VWA8: variants seen among roughly 807,000 people sequenced by gnomAD.
The protein encoded by VWA8 is von Willebrand factor A domain-containing protein 8.
VWA8 carries 221 observed loss-of-function variants against 241.5 expected under a neutral mutation model. The observed-to-expected ratio is 0.91, with a 90% CI of 0.82 to 1.02. The LOEUF (loss-of-function observed/expected upper bound fraction) is 1.02. Among genes scored for constraint, VWA8 ranks in the 50% least tolerant of loss-of-function variants. The probability of loss-of-function intolerance (pLI) is 0.00; values close to 1 mark genes in which losing one functional copy is unlikely to be tolerated. For missense variants in VWA8, 2,322 were observed against 2,328.7 expected, an observed-to-expected ratio of 1.00 and a Z score of 0.06; for synonymous variants, 852 against 827.1, an observed-to-expected ratio of 1.03 and a Z score of -0.52.
intron 21 of VWA8, 51 bp from the exon 22 acceptor site, chr13:41,732,206 T>C (rs761166844): frequency 5.2e-6 from 8 of 1,539,792 alleles, no homozygotes; most frequent in East Asian, 2.3e-5. Context: ...AAGCTGATGA[T>C]TGATCATGAT....
At position 41,888,459 on chromosome 13, in the gene VWA8, C is replaced by T. The variant is rs558195327; in HGVS notation, c.652-1098G>A. On this transcript the variant is annotated intron_variant, in intron 5 of 44. Coordinates refer to ENST00000379310, the MANE Select transcript of VWA8 (RefSeq NM_015058.2). ...GTCCCCTTGACCCTCCTTCCGTGAC[C>T]CTGTGCTCCAATCCATCTCCCAACT... 5.2e-4 allele frequency among the ~76,000 whole-genome samples: 79 copies of T among 152,268 alleles called. 1 individual carries two copies. The highest frequency in any genetic ancestry group is 1.7e-3 in the African/African-American group (69 of 41,546).
intron 26 of VWA8, among the ~76,000 whole-genome samples, chr13:41,710,408 T>C (rs1441242784): frequency 6.6e-6 from 1 of 152,186 alleles, no homozygotes; most frequent in Admixed American, 6.5e-5. Flanking sequence ...AATTTCTATG[T>C]AGATTCGTTT....
At chr13:41,784,023 G>A (rs1226017121) in intron 18 of VWA8, 122 bp from the exon 19 acceptor site, 4 of 681,698 alleles carry the variant, frequency 5.9e-6, no homozygotes, top group Non-Finnish European at 1.0e-5. Flanking sequence ...AACATCTAAA[G>A]AAATAAGCTG....
At chr13:41,590,292 G>GT (rs2044445555) in intron 41 of VWA8, among the ~76,000 whole-genome samples, 1 of 152,124 alleles carries the variant, frequency 6.6e-6, no homozygotes, top group Admixed American at 6.5e-5. Flanking sequence ...AGGCCTCAGA[G>GT]TGAGTTAGAT....
intron 22 of VWA8, among the ~76,000 whole-genome samples, chr13:41,731,044 AAAAAT>A (rs1396576582): frequency 1.3e-5 from 2 of 150,922 alleles, no homozygotes; most frequent in African/African-American, 2.4e-5. Flanking sequence ...TAAAAAATAA[AAAAAT>A]AAAATAAAAT....
In VWA8 at chr13:41,761,113, G is replaced by T. The variant is rs887633792; in HGVS notation, c.2426+15C>A. On this transcript the variant is annotated intron_variant, in intron 21 of 44. Coordinates refer to ENST00000379310, the MANE Select transcript of VWA8 (RefSeq NM_015058.2). ...AAATGAGATTTTTAAGAGGTTGTGG[G>T]TCTAATAGTCTTACCTGTGTAGCTG... 2.5e-6 allele frequency: 4 copies of T among 1,607,808 alleles called. No homozygotes were observed. Among genetic ancestry groups the T allele is most frequent in the East Asian group, 2.2e-5 (1 of 44,704 alleles).
At position 41,568,081 on chromosome 13, in the gene VWA8, G is replaced by A. The variant is rs1414165218; in HGVS notation, c.*116C>T. On this transcript the variant is annotated 3_prime_UTR_variant, in exon 45 of 45. Transcript: ENST00000379310. ...AAGTGTAGGAAGACCCAGGAATGCCGGAATCATCCAGTCACTGCATGGGTT... is the reference window on the plus strand; with the variant it reads ...AAGTGTAGGAAGACCCAGGAATGCCAGAATCATCCAGTCACTGCATGGGTT... 7 of 838,880 alleles carry A rather than the reference G, an allele frequency of 8.3e-6. No individual in the cohort carries two copies. Among genetic ancestry groups the A allele is most frequent in the Middle Eastern group, 2.9e-4 (1 of 3,414 alleles). The allele number at this position is 838,880 out of a possible 1,614,324, so 52.0% of individuals were successfully genotyped here. A position where few individuals can be genotyped will look rare whatever the true frequency, so the allele number is the denominator to read the frequency against.
intron 4 of VWA8, among the ~76,000 whole-genome samples, chr13:41,898,567 CGCCATGCG>C (rs1875255495): frequency 6.6e-6 from 1 of 152,250 alleles, no homozygotes; most frequent in South Asian, 2.1e-4. Flanking sequence ...GCCAGTCCTG[CGCCATGCG>C]CTGGCACTCC....
intron 12 of VWA8, among the ~76,000 whole-genome samples, chr13:41,838,944 C>G (rs1421051775): frequency 1.3e-5 from 2 of 152,158 alleles, no homozygotes; most frequent in African/African-American, 4.8e-5. Flanking sequence ...GTGAATAGTG[C>G]TGCAATAAAT....
At chr13:41,703,713 T>C (rs1302644060) in intron 26 of VWA8, among the ~76,000 whole-genome samples, 1 of 152,144 alleles carries the variant, frequency 6.6e-6, no homozygotes, top group Non-Finnish European at 1.5e-5. Flanking sequence ...AACATCTAAA[T>C]TTCTGGTAGA....
intron 35 of VWA8, among the ~76,000 whole-genome samples, chr13:41,682,645 G>A (rs528934138): frequency 6.6e-6 from 1 of 152,260 alleles, no homozygotes; most frequent in South Asian, 2.1e-4. Flanking sequence ...CTACTCAGTA[G>A]CCTGAGTTGG....
intron 19 of VWA8, among the ~76,000 whole-genome samples, chr13:41,779,746 G>C (rs1441626776): frequency 1.3e-5 from 2 of 152,144 alleles, no homozygotes; most frequent in African/African-American, 2.4e-5. Context: ...ACGTTGAAAA[G>C]TTGGAGTAAG....
At chr13:41,684,336 C>G (rs1398246170) in intron 35 of VWA8, among the ~76,000 whole-genome samples, 1 of 151,284 alleles carries the variant, frequency 6.6e-6, no homozygotes, top group East Asian at 1.9e-4. Flanking sequence ...ATATCACTAC[C>G]ACTGTGACAT....
chr13:41,939,972 T>C lies in VWA8; in HGVS notation c.241+9964A>G, dbSNP rs578189019. ...AGTATTTTTCAATAATCTTTCACAC[T>C]TTTAAATTCCAAAAGAATTTTCTAA... On this transcript the variant is annotated intron_variant, in intron 2 of 44. Coordinates refer to ENST00000379310, the MANE Select transcript of VWA8 (RefSeq NM_015058.2). 2.8e-4 allele frequency among the ~76,000 whole-genome samples: 42 copies of C among 152,354 alleles called. 2 individuals carry two copies. The highest frequency in any genetic ancestry group is 9.9e-4 in the African/African-American group (41 of 41,576).
At chr13:41,773,797 T>C (rs1358893992) in intron 20 of VWA8, among the ~76,000 whole-genome samples, 1 of 152,240 alleles carries the variant, frequency 6.6e-6, no homozygotes, top group Admixed American at 6.5e-5. Flanking sequence ...TTATGTATGA[T>C]TTAATTAGCT....
At chr13:41,635,177 A>T (rs1278113697) in intron 37 of VWA8, among the ~76,000 whole-genome samples, 1 of 152,184 alleles carries the variant, frequency 6.6e-6, no homozygotes, top group African/African-American at 2.4e-5. Context: ...AAATTCTACT[A>T]TGAATTTACT....
At chr13:41,908,536 G>A (rs1032981358) in intron 3 of VWA8, among the ~76,000 whole-genome samples, 13 of 152,062 alleles carry the variant, frequency 8.5e-5, no homozygotes, top group African/African-American at 3.1e-4. Flanking sequence ...ATGCATAGTT[G>A]TAGGAGAAGT....
intron 42 of VWA8, among the ~76,000 whole-genome samples, chr13:41,576,503 A>C (rs1224058221): frequency 1.3e-5 from 2 of 152,232 alleles, no homozygotes; most frequent in Non-Finnish European, 1.5e-5. Flanking sequence ...AAAGAAACAG[A>C]AAAAATTTGG....
At chr13:41,582,630 T>C (rs1222315175) in intron 42 of VWA8, among the ~76,000 whole-genome samples, 2 of 152,234 alleles carry the variant, frequency 1.3e-5, no homozygotes, top group African/African-American at 2.4e-5. Flanking sequence ...ATGCATAATT[T>C]TTTTTTCTGA....
Sources: gnomAD v4.1 joint callset for allele counts (sites outside exome capture counted in the v4.1 genomes callset) on GRCh38, gnomAD v4.1.1 for gene constraint, MANE v1.5 for transcripts, NCBI Gene and HGNC (gene_info 2026-07-23, HGNC 2026-07-21) for gene names.